Variants in TACC1 observed in about 807,000 individuals in gnomAD.
TACC1 encodes transforming acidic coiled-coil-containing protein 1.
A neutral mutation model predicts 84.4 loss-of-function variants in TACC1; 48 were observed. The ratio of observed to expected loss-of-function variants is 0.57; its 90% CI spans 0.45 to 0.72. The LOEUF (loss-of-function observed/expected upper bound fraction) is 0.72. TACC1 is among the 30% of genes least tolerant of loss of function. The probability of loss-of-function intolerance (pLI) is 0.00; values close to 1 mark genes in which losing one functional copy is unlikely to be tolerated. For missense variants in TACC1, 920 were observed against 973.0 expected, an observed-to-expected ratio of 0.95 and a Z score of 0.72; for synonymous variants, 372 against 376.3, an observed-to-expected ratio of 0.99 and a Z score of 0.13.
At chr8:38,740,209 C>T (rs13278546) in intron 1 of TACC1, among the ~76,000 whole-genome samples, 29,088 of 152,136 alleles carry the variant, frequency 0.19, 3,912 homozygotes, top group East Asian at 0.75. Context: ...TCCTCCATCA[C>T]GTGGGATTTG....
intron 1 of TACC1, among the ~76,000 whole-genome samples, chr8:38,730,305 G>A (rs549998955): frequency 2.6e-5 from 4 of 152,340 alleles, no homozygotes; most frequent in South Asian, 2.1e-4. Context: ...CTGACCTCTC[G>A]TGCAGGGACA....
intron 2 of TACC1, among the ~76,000 whole-genome samples, chr8:38,808,490 G>A (rs183692919): frequency 1.2e-3 from 184 of 152,276 alleles, no homozygotes; most frequent in Admixed American, 2.7e-3. Context: ...ATAGATTACC[G>A]CAGCCTCCAA....
At chr8:38,774,837 C>T (rs1814481700) in intron 3 of TACC1, among the ~76,000 whole-genome samples, 2 of 152,092 alleles carry the variant, frequency 1.3e-5, no homozygotes, top group East Asian at 1.9e-4. Context: ...ATGGTGAAAC[C>T]CCCTCTCTAC....
chr8:38,769,165 GTA>G (rs1491042116), intron 3 of TACC1, among the ~76,000 whole-genome samples: 9 of 145,166 alleles, frequency 6.2e-5, no homozygotes, highest in Non-Finnish European at 7.6e-5. Context: ...GTGTGTGTGT[GTA>G]TGAGACTGTG....
chr8:38,736,171 A>G (rs1044476519), intron 1 of TACC1, among the ~76,000 whole-genome samples: 3 of 152,226 alleles, frequency 2.0e-5, no homozygotes, highest in African/African-American at 4.8e-5. Context: ...CCTCTCTTGT[A>G]TAATGATGCT....
upstream of TACC1, among the ~76,000 whole-genome samples, chr8:38,784,971 C>T (rs1816833757): frequency 6.6e-6 from 1 of 152,200 alleles, no homozygotes. Flanking sequence ...ATTAAGAATG[C>T]TGTCTTTCAC....
upstream of TACC1, among the ~76,000 whole-genome samples, chr8:38,785,160 C>T (rs1461572866): frequency 1.3e-5 from 2 of 152,014 alleles, no homozygotes; most frequent in Non-Finnish European, 2.9e-5. Flanking sequence ...GAGGTGTGTT[C>T]CAGGAATTCG....
At position 38,787,524 on chromosome 8, in the gene TACC1, A is replaced by G. The variant is rs777401782; in HGVS notation, c.-59A>G. 2 of 1,455,322 alleles carry G rather than the reference A, an allele frequency of 1.4e-6. No individual in the cohort carries two copies. Among genetic ancestry groups the G allele is most frequent in the South Asian group, 2.8e-5 (2 of 71,976 alleles). 90.2% of individuals were successfully genotyped at this position (1,455,322 alleles called of 1,614,324 possible). On this transcript the variant is annotated 5_prime_UTR_variant, in exon 1 of 13. Coordinates refer to ENST00000317827, the MANE Select transcript of TACC1 (RefSeq NM_006283.3). ...CGGTTCCCTCCATTTTGAAAGGGAA[A>G]AAGGCTCTCCCCACCCATTCCCCTG...
chr8:38,794,517 G>T (rs761632778), intron 2 of TACC1, among the ~76,000 whole-genome samples: 1 of 151,644 alleles, frequency 6.6e-6, no homozygotes. Context: ...GGTTGATATG[G>T]TGTATTTTTA....
Position 38,825,312 on chromosome 8 carries a change from G to A in TACC1, c.1396G>A (p.Gly466Ser). 1 of 1,614,102 alleles carries A rather than the reference G, an allele frequency of 6.2e-7. No homozygotes were observed. The highest frequency in any genetic ancestry group is 1.3e-5 in the African/African-American group (1 of 75,040). ...TTGTGTTTCTTCTCTTTCCAGGAGT[G>A]GCTGTAAGGTGAAGAAGCATGAAAC... ...KKAKSRLITSGCKVKKHETQS... is the reference protein window; with the variant it reads ...KKAKSRLITSSCKVKKHETQS... Residue 466 changes from glycine (G) to serine (S), a missense_variant, in exon 4 of 13, where the codon GGC becomes AGC. Physicochemically the swap from Gly to Ser is moderately conservative, Grantham distance 56 (BLOSUM62 0). Coordinates refer to ENST00000317827, the MANE Select transcript of TACC1 (RefSeq NM_006283.3).
intron 1 of TACC1, among the ~76,000 whole-genome samples, chr8:38,728,957 CTCTTT>C (rs1170913446): frequency 2.6e-5 from 4 of 152,134 alleles, no homozygotes; most frequent in South Asian, 2.1e-4. Flanking sequence ...CCTGATTTTG[CTCTTT>C]TCTTTATTTT....
chr8:38,840,284 G>T lies in TACC1; in HGVS notation c.1960+17G>T. On this transcript the variant is annotated intron_variant, in intron 9 of 12. Transcript: ENST00000317827. Reference sequence around the variant, plus strand: ...AAATGATTGGTAAGGAGAACATTTTGTTTTTTGAGGGTATGAGCCATAGGA... The same window carrying T: ...AAATGATTGGTAAGGAGAACATTTTTTTTTTTGAGGGTATGAGCCATAGGA... The T allele has an allele frequency of 1.2e-6, 2 of 1,609,860 alleles. No homozygotes were observed. The highest frequency in any genetic ancestry group is 1.7e-6 in the Non-Finnish European group (2 of 1,176,548).
chr8:38,824,025 T>C, intron 3 of TACC1: 1 of 1,352,106 alleles, frequency 7.4e-7, no homozygotes, highest in Non-Finnish European at 9.8e-7. Flanking sequence ...TGTTTTCTGT[T>C]GTAAGTACTC....
intron 2 of TACC1, among the ~76,000 whole-genome samples, chr8:38,807,798 A>G (rs910852759): frequency 6.6e-6 from 1 of 152,262 alleles, no homozygotes; most frequent in African/African-American, 2.4e-5. Context: ...GGTACAAACT[A>G]GAATATTAAG....
chr8:38,747,705 G>A (rs1808322856), intron 3 of TACC1, among the ~76,000 whole-genome samples: 2 of 152,200 alleles, frequency 1.3e-5, no homozygotes, highest in African/African-American at 4.8e-5. Context: ...AGGCAAGGAT[G>A]AATAGATGAA....
At chr8:38,776,701 C>A (rs958158291) in intron 3 of TACC1, among the ~76,000 whole-genome samples, 1 of 152,146 alleles carries the variant, frequency 6.6e-6, no homozygotes, top group Non-Finnish European at 1.5e-5. Flanking sequence ...TGTTGACAAG[C>A]AAAACGTTTT....
chr8:38,816,963 C>T (rs550639089), intron 2 of TACC1, among the ~76,000 whole-genome samples: 38 of 152,250 alleles, frequency 2.5e-4, no homozygotes, highest in East Asian at 1.9e-4. Context: ...AGCCCATTCC[C>T]GCAGCTGTCA....
intron 1 of TACC1, among the ~76,000 whole-genome samples, chr8:38,729,015 T>C (rs187803542): frequency 1.6e-3 from 251 of 152,352 alleles, no homozygotes; most frequent in Non-Finnish European, 2.7e-3. Flanking sequence ...TGCTTCTCTC[T>C]TCTCTTCTTT....
intron 1 of TACC1, among the ~76,000 whole-genome samples, chr8:38,732,963 T>G (rs1016878444): frequency 2.0e-5 from 3 of 152,192 alleles, no homozygotes; most frequent in Admixed American, 2.0e-4. Flanking sequence ...AGCGCTAGTG[T>G]GGGCAAAACA....
Sources: allele counts gnomAD v4.1 joint callset (sites outside exome capture counted in the v4.1 genomes callset), GRCh38; gene constraint gnomAD v4.1.1; transcripts MANE v1.5; gene names NCBI Gene and HGNC (gene_info 2026-07-23, HGNC 2026-07-21).